The following VWA3A variants were observed in gnomAD, a reference collection of about 807,000 sequenced individuals.
VWA3A encodes the protein von Willebrand factor A domain-containing protein 3A.
VWA3A carries 134 observed loss-of-function variants against 160.4 expected under a neutral mutation model. The observed-to-expected ratio is 0.84, with a 90% confidence interval of 0.73 to 0.96. The LOEUF is 0.96. Ranked by LOEUF, VWA3A falls within the 40% of genes least tolerant of loss-of-function variation. VWA3A has a pLI of 0.00. For synonymous variants in VWA3A, 476 were observed against 543.4 expected (o/e 0.88, Z 1.72); for missense variants, 1,310 against 1,447.9 (o/e 0.90, Z 1.55).
At chr16:22,152,363 T>C in intron 30 of VWA3A, 148 bp from the exon 31 acceptor site, 1 of 1,004,056 alleles carries the variant, frequency 1.0e-6, no homozygotes, top group Non-Finnish European at 1.4e-6. Context: ...TGTCCTCTAA[T>C]GGTGGTCTCC....
rs551224827 is a variant in VWA3A, at chr16:22,125,485, G to A, written c.1533-693G>A. Reference sequence around the variant, plus strand: ...GTCACCCAGGCTAGAGTGCAGTGGCGCGATCTTGGCTCACTGCAAGCTCTG... The same window carrying A: ...GTCACCCAGGCTAGAGTGCAGTGGCACGATCTTGGCTCACTGCAAGCTCTG... On this transcript the variant is annotated intron_variant, in intron 16 of 33. Transcript: ENST00000389398. Among the ~76,000 whole-genome samples the A allele has an allele frequency of 5.3e-5, 8 of 152,028 alleles. No homozygotes were observed. In the East Asian group the frequency reaches 5.8e-4, roughly 11 times the overall value.
chr16:22,134,884 A>C (rs1230196466), intron 21 of VWA3A, among the ~76,000 whole-genome samples: 1 of 152,150 alleles, frequency 6.6e-6, no homozygotes, highest in Non-Finnish European at 1.5e-5. Context: ...GATTCTTGTT[A>C]AACAGGGCTC....
chr16:22,113,180 G>GT (rs1381795991), intron 8 of VWA3A, among the ~76,000 whole-genome samples: 1 of 151,022 alleles, frequency 6.6e-6, no homozygotes, highest in African/African-American at 2.4e-5. Context: ...TATTTATTTG[G>GT]TTTTTTTGTC....
intron 15 of VWA3A, 170 bp downstream of exon 15, chr16:22,123,335 C>T (rs2045780429): frequency 3.5e-6 from 4 of 1,153,564 alleles, no homozygotes; most frequent in African/African-American, 3.1e-5. Context: ...CCTCCCCAAG[C>T]AGGGACCTCA....
intron 19 of VWA3A, chr16:22,132,693 A>T (rs1354785639): frequency 1.7e-6 from 1 of 574,042 alleles, no homozygotes; most frequent in Non-Finnish European, 3.1e-6. Flanking sequence ...TGGTATCAGG[A>T]GGCTCTCAGG....
Position 22,123,487 on chromosome 16 carries a change from CT to C in VWA3A, c.1438-125del, listed in dbSNP as rs1245334026. 3 of 1,583,466 alleles carry C rather than the reference CT, an allele frequency of 1.9e-6. 1 individual carries two copies. Among genetic ancestry groups the C allele is most frequent in the Non-Finnish European group, 2.6e-6 (3 of 1,169,722 alleles). On this transcript the variant is annotated intron_variant, in intron 15 of 33. Coordinates refer to ENST00000389398, the MANE Select transcript of VWA3A (RefSeq NM_173615.5). ...TTCATGATTTAGTGGAATGATTATA[CT>C]GCCTGGATTCCCAGGGACTTGACAC...
chr16:22,099,633 T>C (rs2045377371), intron 3 of VWA3A, among the ~76,000 whole-genome samples: 1 of 152,234 alleles, frequency 6.6e-6, no homozygotes, highest in South Asian at 2.1e-4. Context: ...ACTTGCTAAT[T>C]TCCCTTTGAG....
At chr16:22,147,796 C>T (rs1226606352) in intron 27 of VWA3A, among the ~76,000 whole-genome samples, 1 of 152,194 alleles carries the variant, frequency 6.6e-6, no homozygotes, top group Admixed American at 6.5e-5. Context: ...TACCAGTACA[C>T]ACCCAAACAC....
intron 14 of VWA3A, among the ~76,000 whole-genome samples, chr16:22,121,973 TC>T (rs1231200503): frequency 6.6e-6 from 1 of 152,076 alleles, no homozygotes; most frequent in Non-Finnish European, 1.5e-5. Flanking sequence ...CATATTTAAA[TC>T]CCCATCAAGT....
At position 22,142,811 on chromosome 16, in the gene VWA3A, A is replaced by G. The variant is rs1328410940; in HGVS notation, c.2592+46A>G. On this transcript the variant is annotated intron_variant, in intron 25 of 33. Coordinates refer to ENST00000389398, the MANE Select transcript of VWA3A (RefSeq NM_173615.5). ...GCACATGCCCATTAAGCAATAGAGT[A>G]GTTCTGTCCACCAACCATTACTTCT... is the stretch of plus-strand genomic sequence containing the variant. The G allele has an allele frequency of 2.9e-6, 4 of 1,396,600 alleles. No homozygotes were observed. The African/African-American group carries it at 5.7e-5, about 20-fold the overall frequency. 86.5% of individuals were successfully genotyped at this position (1,396,600 alleles called of 1,614,324 possible).
Position 22,123,111 on chromosome 16 carries a change from C to G in VWA3A, c.1383C>G (p.His461Gln). The G allele has an allele frequency of 6.2e-7, 1 of 1,606,002 alleles. No homozygotes were observed. Among genetic ancestry groups the G allele is most frequent in the Non-Finnish European group, 8.5e-7 (1 of 1,176,122 alleles). ...AGGCAATGATACAATTTGAATGGCACGACGGGACAGTGAAGAACATTCATG... is the reference window on the plus strand; with the variant it reads ...AGGCAATGATACAATTTGAATGGCAGGACGGGACAGTGAAGAACATTCATG... ...HEKAMIQFEWHDGTVKNIHVD... is the reference protein window; with the variant it reads ...HEKAMIQFEWQDGTVKNIHVD... Residue 461 changes from histidine to glutamine, a missense_variant, in exon 15 of 34, where the codon CAC becomes CAG. Physicochemically the swap from His to Gln is conservative, Grantham distance 24 (BLOSUM62 0). Transcript: ENST00000389398.
chr16:22,096,820 C>T (rs1168399370), intron 1 of VWA3A, 39 bp from the exon 2 acceptor site: 2 of 1,302,744 alleles, frequency 1.5e-6, no homozygotes, highest in Non-Finnish European at 2.2e-6. Context: ...GTCTGTATGC[C>T]ACATTTATCC....
At chr16:22,111,905 C>G (rs995012427) in intron 8 of VWA3A, among the ~76,000 whole-genome samples, 2 of 152,216 alleles carry the variant, frequency 1.3e-5, no homozygotes, top group Non-Finnish European at 2.9e-5. Context: ...GTATGAGACA[C>G]TGTGCCTGGC....
chr16:22,097,838 C>T (rs2045349552), intron 3 of VWA3A, 143 bp downstream of exon 3: 1 of 1,177,380 alleles, frequency 8.5e-7, no homozygotes, highest in Admixed American at 2.8e-5. Context: ...CTCTAATCCT[C>T]TGCCTTCAGA....
intron 2 of VWA3A, 145 bp downstream of exon 2, chr16:22,097,090 C>T (rs1489071569): frequency 1.9e-5 from 11 of 585,966 alleles, no homozygotes; most frequent in East Asian, 8.8e-5. Context: ...CTCAGCCTCC[C>T]GAGTAGCTGG....
At chr16:22,132,721 A>G in intron 19 of VWA3A, 179 bp from the exon 20 acceptor site, 1 of 616,436 alleles carries the variant, frequency 1.6e-6, no homozygotes, top group Non-Finnish European at 2.8e-6. Flanking sequence ...CCCCAACCAC[A>G]CTCTGTTAAA....
At chr16:22,096,154 G>C (rs1277245124) in intron 1 of VWA3A, among the ~76,000 whole-genome samples, 1 of 152,140 alleles carries the variant, frequency 6.6e-6, no homozygotes, top group Non-Finnish European at 1.5e-5. Context: ...GCAATGCATA[G>C]GACGGCCCCC....
At chr16:22,094,864 G>A (rs1393179985) in intron 1 of VWA3A, among the ~76,000 whole-genome samples, 2 of 151,968 alleles carry the variant, frequency 1.3e-5, no homozygotes, top group Non-Finnish European at 2.9e-5. Flanking sequence ...CTATGTGGGA[G>A]GCTAAGGCAG....
At position 22,123,600 on chromosome 16, in the gene VWA3A, C is replaced by T. The variant is rs746933497; in HGVS notation, c.1438-13C>T. 6.2e-7 allele frequency: 1 copy of T among 1,613,912 alleles called. No homozygotes were observed. The highest frequency in any genetic ancestry group is 1.1e-5 in the South Asian group (1 of 91,086). On this transcript the variant is annotated splice_polypyrimidine_tract_variant and intron_variant, in intron 15 of 33. Transcript: ENST00000389398. Reference sequence around the variant, plus strand: ...CTTTGAGCAGCCGCTCACTGTGGCCCACACTTCTGCAGCAACAGCTCAGCA... The same window carrying T: ...CTTTGAGCAGCCGCTCACTGTGGCCTACACTTCTGCAGCAACAGCTCAGCA...
Sources: gnomAD v4.1 joint callset for allele counts (sites outside exome capture counted in the v4.1 genomes callset) on GRCh38, gnomAD v4.1.1 for gene constraint, MANE v1.5 for transcripts, NCBI Gene and HGNC (gene_info 2026-07-23, HGNC 2026-07-21) for gene names.